Variants in HAS3 observed in about 807,000 individuals in gnomAD.
HAS3 encodes the protein hyaluronan synthase 3.
HAS3 carries 27 observed loss-of-function variants against 50.3 expected under a neutral mutation model. The observed-to-expected ratio is 0.54, with a 90% CI of 0.40 to 0.74. The LOEUF is 0.74. Ranked by LOEUF, HAS3 falls within the 30% of genes least tolerant of loss-of-function variation. The pLI is 0.00. For synonymous variants in HAS3, 339 were observed against 310.9 expected, an observed-to-expected ratio of 1.09 and a Z score of -0.95; for missense variants, 517 against 742.8, an observed-to-expected ratio of 0.70 and a Z score of 3.53.
At chr16:69,104,469 G>A (rs1960734696), upstream of HAS3, among the ~76,000 whole-genome samples, 1 of 151,756 alleles carries the variant, frequency 6.6e-6, no homozygotes, top group Non-Finnish European at 1.5e-5. Flanking sequence ...GCTAATTTTT[G>A]TATTTTTTAG....
At chr16:69,083,652 C>A in the HAS3 span, 1 of 1,558,884 alleles carries the variant, frequency 6.4e-7, no homozygotes, top group South Asian at 1.2e-5. Context: ...AGATCATGGT[C>A]CTGCCGTAGA....
Position 69,115,500 on chromosome 16 carries a change from C to A in HAS3, c.*234C>A. 1 of 1,245,720 alleles carries A rather than the reference C, an allele frequency of 8.0e-7. No homozygotes were observed. Among genetic ancestry groups the A allele is most frequent in the Non-Finnish European group, 1.0e-6 (1 of 995,154 alleles). The allele number at this position is 1,245,720 out of a possible 1,614,324, so 77.2% of individuals were successfully genotyped here. ...CTGCAGGGGATTCTGTGTTTTCAGA[C>A]TGCCTGTCTGCTTGCATCTGCACAT... On this transcript the variant is annotated 3_prime_UTR_variant, in exon 4 of 4. Transcript: ENST00000569188.
the HAS3 span, among the ~76,000 whole-genome samples, chr16:69,094,257 T>TCA: frequency 6.6e-6 from 1 of 152,220 alleles, no homozygotes; most frequent in South Asian, 2.1e-4. Context: ...TAATGTATTA[T>TCA]CACACACACA....
the HAS3 span, among the ~76,000 whole-genome samples, chr16:69,093,656 G>A: frequency 1.4e-5 from 2 of 148,084 alleles, no homozygotes; most frequent in Middle Eastern, 3.7e-3. Flanking sequence ...TCTGCCTCCC[G>A]AGTAGCTGGG....
the HAS3 span, among the ~76,000 whole-genome samples, chr16:69,099,915 AG>A: frequency 1.3e-5 from 2 of 151,880 alleles, no homozygotes; most frequent in South Asian, 4.2e-4. Flanking sequence ...AAGCATCTCC[AG>A]GTCTGATTTG....
At position 69,115,316 on chromosome 16, in the gene HAS3, G is replaced by A; in HGVS notation, c.*50G>A. 5 of 1,493,478 alleles carry A rather than the reference G, an allele frequency of 3.3e-6. No homozygotes were observed. The highest frequency in any genetic ancestry group is 4.4e-6 in the Non-Finnish European group (5 of 1,125,844). The allele number at this position is 1,493,478 out of a possible 1,614,324, so 92.5% of individuals were successfully genotyped here. ...AAGTGCAATGGGTAAGGGAGGGAAG[G>A]GGAATGGAAGAGAAAAGACAGGGTG... is the stretch of plus-strand genomic sequence containing the variant. On this transcript the variant is annotated 3_prime_UTR_variant, in exon 4 of 4. Transcript: ENST00000569188.
At chr16:69,090,524 T>G in the HAS3 span, among the ~76,000 whole-genome samples, 1 of 152,114 alleles carries the variant, frequency 6.6e-6, no homozygotes, top group African/African-American at 2.4e-5. Context: ...TCCTCCCACC[T>G]CAGCCTCCTG....
upstream of HAS3, among the ~76,000 whole-genome samples, chr16:69,100,722 T>A (rs1960688779): frequency 6.6e-6 from 1 of 152,166 alleles, no homozygotes; most frequent in African/African-American, 2.4e-5. Flanking sequence ...AGGTTACGGG[T>A]GCAGGATATT....
At chr16:69,098,851 G>T in the HAS3 span, among the ~76,000 whole-genome samples, 12 of 151,352 alleles carry the variant, frequency 7.9e-5, no homozygotes, top group Non-Finnish European at 1.5e-4. Context: ...TTTTAGTAGA[G>T]ACAGGGTTTC....
the HAS3 span, among the ~76,000 whole-genome samples, chr16:69,085,660 C>A: frequency 6.6e-6 from 1 of 151,616 alleles, no homozygotes; most frequent in Non-Finnish European, 1.5e-5. Flanking sequence ...ACAACCTTGG[C>A]TCACTGCAAC....
chr16:69,110,850 A>C (rs746971600), intron 2 of HAS3, among the ~76,000 whole-genome samples: 16 of 152,270 alleles, frequency 1.1e-4, no homozygotes, highest in Middle Eastern at 3.4e-3. Flanking sequence ...CCATCCTCAA[A>C]AACACTCAAA....
At chr16:69,088,460 T>C in the HAS3 span, among the ~76,000 whole-genome samples, 1 of 148,998 alleles carries the variant, frequency 6.7e-6, no homozygotes, top group Non-Finnish European at 1.5e-5. Context: ...CTCAGGAGGC[T>C]GAGGCGGGAG....
chr16:69,116,178 A>G lies in HAS3; in HGVS notation c.*912A>G, dbSNP rs569362788. On this transcript the variant is annotated 3_prime_UTR_variant, in exon 4 of 4. Coordinates refer to ENST00000569188, the MANE Select transcript of HAS3 (RefSeq NM_001199280.2). The stretch of plus-strand genomic sequence containing the variant: ...AATTCAGCTCTGATCTGAGGCTAAG[A>G]CACACTCCCCACTTCACTTTCTTCA... 4.6e-5 allele frequency: 45 copies of G among 985,400 alleles called. No individual in the cohort carries two copies. In the South Asian group the frequency reaches 8.5e-4, roughly 19 times the overall value. The allele number at this position is 985,400 out of a possible 1,614,324, so 61.0% of individuals were successfully genotyped here. A position where few individuals can be genotyped will look rare whatever the true frequency, so the allele number is the denominator to read the frequency against.
chr16:69,085,385 A>G, the HAS3 span, among the ~76,000 whole-genome samples: 17 of 152,230 alleles, frequency 1.1e-4, no homozygotes, highest in African/African-American at 3.9e-4. Context: ...CTATTTATAG[A>G]TCACCTCTTA....
intron 2 of HAS3, among the ~76,000 whole-genome samples, 180 bp downstream of exon 2, chr16:69,110,211 G>C (rs1433926935): frequency 1.3e-5 from 2 of 152,208 alleles, no homozygotes; most frequent in Non-Finnish European, 2.9e-5. Context: ...CAACACTTTG[G>C]GGGGCCGAGG....
chr16:69,097,147 GA>G, the HAS3 span, among the ~76,000 whole-genome samples: 6 of 145,752 alleles, frequency 4.1e-5, no homozygotes, highest in South Asian at 2.2e-4. Context: ...GCAAGACTGA[GA>G]AAAAAAAAAG....
chr16:69,092,332 G>C, the HAS3 span, among the ~76,000 whole-genome samples: 1 of 152,178 alleles, frequency 6.6e-6, no homozygotes, highest in Non-Finnish European at 1.5e-5. Context: ...GTTCCCACGT[G>C]GTGGTCACAC....
chr16:69,096,743 G>C, the HAS3 span, among the ~76,000 whole-genome samples: 2 of 149,232 alleles, frequency 1.3e-5, no homozygotes, highest in Non-Finnish European at 3.0e-5. Flanking sequence ...TCAGCCTCCC[G>C]AGTAACTGAG....
At position 69,109,472 on chromosome 16, in the gene HAS3, T is replaced by C; in HGVS notation, c.77T>C (p.Leu26Pro). 1 of 1,613,794 alleles carries C rather than the reference T, an allele frequency of 6.2e-7. No individual in the cohort carries two copies. The highest frequency in any genetic ancestry group is 8.5e-7 in the Non-Finnish European group (1 of 1,180,032). Residue 26 changes from leucine (L) to proline (P), a missense_variant, in exon 2 of 4, where the codon CTG becomes CCG. Leu to Pro is a moderately conservative substitution (Grantham distance 98). Transcript: ENST00000569188. This position sits in a 1 kb window ranked among gnomAD's most constrained non-coding sequence, Gnocchi z 5.3. ...GCCCTGGCAGTGCTGGGTGGCATCC[T>C]GGCAGCCTATGTGACGGGCTACCAG... Reference protein sequence around the residue: ...LFALAVLGGILAAYVTGYQFI... With the variant: ...LFALAVLGGIPAAYVTGYQFI...
Sources: allele counts gnomAD v4.1 joint callset (sites outside exome capture counted in the v4.1 genomes callset), GRCh38; gene constraint gnomAD v4.1.1; non-coding constraint Gnocchi (gnomAD v3.1); transcripts MANE v1.5; gene names NCBI Gene and HGNC (gene_info 2026-07-23, HGNC 2026-07-21).